The following OSBPL5 variants were observed in gnomAD, a reference collection of about 807,000 sequenced individuals.
OSBPL5 encodes oxysterol binding protein like 5, also known as oxysterol-binding protein-related protein 5.
In OSBPL5, 71 loss-of-function variants were observed where a neutral mutation model predicts 111.2. The observed-to-expected ratio is 0.64, with a 90% confidence interval of 0.53 to 0.78. The LOEUF (loss-of-function observed/expected upper bound fraction) is 0.78. OSBPL5 is among the 30% of genes least tolerant of loss of function. OSBPL5 has a pLI of 0.00. For missense variants in OSBPL5, 1,210 were observed against 1,189.3 expected, an observed-to-expected ratio of 1.02 and a Z score of -0.26; for synonymous variants, 549 against 513.9, an observed-to-expected ratio of 1.07 and a Z score of -0.93.
chr11:3,122,015 G>C lies in OSBPL5; in HGVS notation c.384C>G (p.Ile128Met), dbSNP rs1432612833. The change falls in exon 5 of 22, where the codon ATC becomes ATG. Residue 128 changes from isoleucine to methionine, a missense_variant. Ile to Met is a conservative substitution (Grantham distance 10). Coordinates refer to ENST00000263650, the MANE Select transcript of OSBPL5 (RefSeq NM_020896.4). ...CACCTACCTTCAGGCTGTCAGCCAT[G>C]ATGACCACGCTGGGGTCTGTCAGAG... ...LSALTDPSVV[I>M]MADSLKIRGT... The C allele has an allele frequency of 3.2e-6, 5 of 1,573,922 alleles. No homozygotes were observed. The African/African-American group carries it at 5.4e-5, about 17-fold the overall frequency.
At chr11:3,103,918 C>A (rs12418199) in intron 10 of OSBPL5, among the ~76,000 whole-genome samples, 47,561 of 142,962 alleles carry the variant, frequency 0.33, 10,327 homozygotes, top group East Asian at 0.79. Flanking sequence ...CTTCCTGCCT[C>A]TGCAGCCCAT....
intron 1 of OSBPL5, among the ~76,000 whole-genome samples, chr11:3,144,648 G>C (rs1253593058): frequency 2.0e-5 from 3 of 152,214 alleles, no homozygotes; most frequent in Non-Finnish European, 4.4e-5. Context: ...TGACTTTGGG[G>C]ACACCCCATG....
In OSBPL5 at chr11:3,093,826, C is replaced by T. The variant is rs763145712; in HGVS notation, c.1729G>A (p.Gly577Arg). 1.2e-5 allele frequency: 20 copies of T among 1,611,662 alleles called. No individual in the cohort carries two copies. Among genetic ancestry groups the T allele is most frequent in the South Asian group, 2.2e-5 (2 of 91,006 alleles). ...ATCTGGTTGATGCTGGTGCTACCCC[C>T]GAAGAAGGGCTGCGGGGCCACACCC... ...QLEFKLKPFF[G>R]GSTSINQISG... Residue 577 changes from glycine (G) to arginine (R), a missense_variant, in exon 16 of 22, where the codon GGG (glycine) becomes AGG (arginine). Transcript: ENST00000263650.
chr11:3,160,385 C>T (rs1010096071), intron 1 of OSBPL5, among the ~76,000 whole-genome samples: 1 of 152,206 alleles, frequency 6.6e-6, no homozygotes, highest in African/African-American at 2.4e-5. Flanking sequence ...CGGGCAGGAG[C>T]GGGACGCACT....
In OSBPL5 at chr11:3,126,562, G is replaced by T; in HGVS notation, c.137-7C>A. 1 of 1,606,336 alleles carries T rather than the reference G, an allele frequency of 6.2e-7. No individual in the cohort carries two copies. The highest frequency in any genetic ancestry group is 1.1e-5 in the South Asian group (1 of 90,194). On this transcript the variant is annotated splice_region_variant and splice_polypyrimidine_tract_variant and intron_variant, in intron 2 of 21. Coordinates refer to ENST00000263650, the MANE Select transcript of OSBPL5 (RefSeq NM_020896.4). The surrounding 1 kb of genome is among the most constrained non-coding windows in gnomAD (Gnocchi z 6.5). ...TTGGGCTCCATGTCCTTCCCTGCAA[G>T]AGAGCAGTGGGAGTGAGGACCCAGG...
In OSBPL5 at chr11:3,140,647, C is replaced by T. The variant is rs1421435838; in HGVS notation, c.-21-11478G>A. On this transcript the variant is annotated intron_variant, in intron 1 of 21. Transcript: ENST00000263650. The surrounding 1 kb of genome is among the most constrained non-coding windows in gnomAD (Gnocchi z 4.5). ...TGGACAGGCATCGTCGTCCCGGCTC[C>T]CCTCTGTCCCCCAGCTCACATTACC... Among the ~76,000 whole-genome samples, 1 of 152,166 alleles carries T rather than the reference C, an allele frequency of 6.6e-6. No homozygotes were observed. Among genetic ancestry groups the T allele is most frequent in the Non-Finnish European group, 1.5e-5 (1 of 68,020 alleles).
intron 4 of OSBPL5, 36 bp downstream of exon 4, chr11:3,122,310 CAG>C (rs745423484): frequency 3.1e-6 from 5 of 1,598,090 alleles, no homozygotes; most frequent in Middle Eastern, 1.8e-4. Flanking sequence ...GTCGGTCTGA[CAG>C]TGACACTGCT....
At position 3,130,320 on chromosome 11, in the gene OSBPL5, G is replaced by A. The variant is rs1858781337; in HGVS notation, c.-21-1151C>T. Among the ~76,000 whole-genome samples the A allele has an allele frequency of 6.6e-6, 1 of 152,260 alleles. No homozygotes were observed. ...CCTCCTTTCCCAATTTTCTGGGGCTGCTTCCTGCTGCCTCAGGGCAGGCCA... is the reference window on the plus strand; with the variant it reads ...CCTCCTTTCCCAATTTTCTGGGGCTACTTCCTGCTGCCTCAGGGCAGGCCA... On this transcript the variant is annotated intron_variant, in intron 1 of 21. Transcript: ENST00000263650. The surrounding 1 kb of genome is among the most constrained non-coding windows in gnomAD (Gnocchi z 4.5).
intron 1 of OSBPL5, among the ~76,000 whole-genome samples, chr11:3,147,862 T>A (rs1046617811): frequency 2.0e-5 from 3 of 152,054 alleles, no homozygotes; most frequent in African/African-American, 7.2e-5. Flanking sequence ...GGCCCTTCTG[T>A]CTCGTCTGGG....
rs1016843773 is a variant in OSBPL5, at chr11:3,110,387, G to A, written c.692-2442C>T. On this transcript the variant is annotated intron_variant, in intron 7 of 21. Coordinates refer to ENST00000263650, the MANE Select transcript of OSBPL5 (RefSeq NM_020896.4). This position sits in a 1 kb window ranked among gnomAD's most constrained non-coding sequence, Gnocchi z 5.3. ...GAATCCCTCCAGGTGGAGGATCATC[G>A]CAGTCACAGCTGCCTGAGCGGCCAC... 2.0e-5 allele frequency among the ~76,000 whole-genome samples: 3 copies of A among 152,230 alleles called. No individual in the cohort carries two copies. Among genetic ancestry groups the A allele is most frequent in the African/African-American group, 4.8e-5 (2 of 41,462 alleles).
At position 3,130,199 on chromosome 11, in the gene OSBPL5, C is replaced by T. The variant is rs905704032; in HGVS notation, c.-21-1030G>A. ...GGAGTGGAAGGCCTCGACCTGTAAT[C>T]GTGACCTGACAAGGGTTGGCAGAGC... On this transcript the variant is annotated intron_variant, in intron 1 of 21. Coordinates refer to ENST00000263650, the MANE Select transcript of OSBPL5 (RefSeq NM_020896.4). The surrounding 1 kb of genome is among the most constrained non-coding windows in gnomAD (Gnocchi z 4.5). 3.3e-5 allele frequency among the ~76,000 whole-genome samples: 5 copies of T among 152,240 alleles called. No homozygotes were observed. Among genetic ancestry groups the T allele is most frequent in the Admixed American group, 1.3e-4 (2 of 15,292 alleles).
intron 14 of OSBPL5, 110 bp from the exon 15 acceptor site, chr11:3,094,444 C>A: frequency 1.2e-6 from 1 of 806,904 alleles, no homozygotes; most frequent in Non-Finnish European, 2.0e-6. Context: ...CCCAGCAGCA[C>A]CGATCCCTGG....
intron 1 of OSBPL5, among the ~76,000 whole-genome samples, chr11:3,159,994 G>C (rs1387425195): frequency 2.0e-5 from 3 of 152,198 alleles, no homozygotes; most frequent in Non-Finnish European, 4.4e-5. Flanking sequence ...ATCCGAGGCG[G>C]TGCCTGCCAC....
At chr11:3,096,981 G>GACGGGAGGAGGAGGA in intron 14 of OSBPL5, among the ~76,000 whole-genome samples, 1 of 146,300 alleles carries the variant, frequency 6.8e-6, no homozygotes, top group African/African-American at 2.5e-5. Context: ...AGAGGGGGAA[G>GACGGGAGGAGGAGGA]GTGGGAGGAG....
At chr11:3,150,569 C>T (rs957157078) in intron 1 of OSBPL5, among the ~76,000 whole-genome samples, 2 of 152,174 alleles carry the variant, frequency 1.3e-5, no homozygotes, top group Admixed American at 1.3e-4. Context: ...TGTCCTGCCC[C>T]ACAGACACAG....
At position 3,089,968 on chromosome 11, in the gene OSBPL5, G is replaced by C; in HGVS notation, c.2399-20C>G. On this transcript the variant is annotated intron_variant, in intron 20 of 21. Coordinates refer to ENST00000263650, the MANE Select transcript of OSBPL5 (RefSeq NM_020896.4). ...CACCGCCTGGGACGGCCCCGAGTGA[G>C]ACAAAGGAGGGGAGGGGAGGAGTGA... 1 of 1,505,486 alleles carries C rather than the reference G, an allele frequency of 6.6e-7. No individual in the cohort carries two copies. Among genetic ancestry groups the C allele is most frequent in the Non-Finnish European group, 8.9e-7 (1 of 1,121,374 alleles). 93.3% of individuals were successfully genotyped at this position (1,505,486 alleles called of 1,614,324 possible).
intron 14 of OSBPL5, among the ~76,000 whole-genome samples, chr11:3,098,692 A>G (rs115820354): frequency 0.023 from 3,537 of 151,902 alleles, 124 homozygotes; most frequent in African/African-American, 0.079. Context: ...TTTATTAGAG[A>G]CGGAGATTCT....
At chr11:3,097,697 C>T (rs1857321753) in intron 14 of OSBPL5, among the ~76,000 whole-genome samples, 2 of 152,188 alleles carry the variant, frequency 1.3e-5, no homozygotes, top group Admixed American at 1.3e-4. Flanking sequence ...GATAAAACAA[C>T]TGTGCTTATT....
At position 3,107,765 on chromosome 11, in the gene OSBPL5, A is replaced by G. The variant is rs762997648; in HGVS notation, c.866+6T>C. 3.7e-6 allele frequency: 6 copies of G among 1,610,356 alleles called. No individual in the cohort carries two copies. Among genetic ancestry groups the G allele is most frequent in the Non-Finnish European group, 5.1e-6 (6 of 1,179,610 alleles). ...CCACCAGCCCCTGTGCCCTCGCCCC[A>G]CTCACGGGAACAGGTCTTGGTCTGG... is the stretch of plus-strand genomic sequence containing the variant. On this transcript the variant is annotated splice_donor_region_variant and intron_variant, in intron 8 of 21. Transcript: ENST00000263650. The surrounding 1 kb of genome is among the most constrained non-coding windows in gnomAD (Gnocchi z 6.1).
Sources: gnomAD v4.1 joint callset for allele counts (sites outside exome capture counted in the v4.1 genomes callset) on GRCh38, gnomAD v4.1.1 for gene constraint, Gnocchi (gnomAD v3.1) non-coding constraint, MANE v1.5 for transcripts, NCBI Gene and HGNC (gene_info 2026-07-23, HGNC 2026-07-21) for gene names.